The following POGK variants were observed in gnomAD, a reference collection of about 807,000 sequenced individuals.
POGK encodes the protein pogo transposable element derived with KRAB domain.
In POGK, 16 loss-of-function variants were observed where a neutral mutation model predicts 54.4. That is an observed-to-expected ratio of 0.29 (90% confidence interval 0.20 to 0.45). The LOEUF (loss-of-function observed/expected upper bound fraction) is 0.45, where lower values mean the gene tolerates loss of function less well. POGK is among the 20% of genes least tolerant of loss of function. The pLI is 1.00. For missense variants in POGK, 515 were observed against 795.6 expected (o/e 0.65, Z 4.24); for synonymous variants, 271 against 302.2 (o/e 0.90, Z 1.07).
intron 2 of POGK, among the ~76,000 whole-genome samples, chr1:166,841,510 C>A (rs894686692): frequency 2.0e-5 from 3 of 152,204 alleles, no homozygotes; most frequent in African/African-American, 7.2e-5. Flanking sequence ...GCACCTCTTA[C>A]CACAGTTGAC....
Position 166,855,254 on chromosome 1 carries a change from A to C in POGK, c.*2684A>C, listed in dbSNP as rs1243535090. ...TCACACCTGGTTTTGCACAGTGATA[A>C]ATTCCTGCAGGAAAAAATAAGTTTT... On this transcript the variant is annotated 3_prime_UTR_variant, in exon 6 of 6. Coordinates refer to ENST00000367876, the MANE Select transcript of POGK (RefSeq NM_017542.5). The C allele has an allele frequency of 6.6e-6, 1 of 152,228 alleles. No individual in the cohort carries two copies. Among genetic ancestry groups the C allele is most frequent in the African/African-American group, 2.4e-5 (1 of 41,450 alleles). 9.4% of individuals were successfully genotyped at this position (152,228 alleles called of 1,614,324 possible). A position where few individuals can be genotyped will look rare whatever the true frequency, so the allele number is the denominator to read the frequency against.
intron 1 of POGK, among the ~76,000 whole-genome samples, chr1:166,840,722 A>G (rs1417792258): frequency 6.6e-6 from 1 of 152,210 alleles, no homozygotes; most frequent in African/African-American, 2.4e-5. Flanking sequence ...TTCCCCAGAT[A>G]GCTTTTTAAA....
At chr1:166,851,047 A>T (rs3820387) in intron 5 of POGK, 27,440 of 152,218 alleles carry the variant, frequency 0.18, 3,071 homozygotes, top group East Asian at 0.57. Flanking sequence ...CTGTAAAGTT[A>T]AAATTATTTG....
intron 2 of POGK, among the ~76,000 whole-genome samples, chr1:166,845,459 T>C (rs1033564487): frequency 1.3e-5 from 2 of 151,732 alleles, no homozygotes; most frequent in African/African-American, 4.8e-5. Flanking sequence ...GCTTCCTATG[T>C]ATGAGGTGCT....
rs1448553294 is a variant in POGK at position 166,854,663 on chromosome 1, C to G, written c.*2093C>G. 6.6e-6 allele frequency: 1 copy of G among 152,130 alleles called. No homozygotes were observed. The highest frequency in any genetic ancestry group is 1.5e-5 in the Non-Finnish European group (1 of 68,034). 9.4% of individuals were successfully genotyped at this position (152,130 alleles called of 1,614,324 possible). On this transcript the variant is annotated 3_prime_UTR_variant, in exon 6 of 6. Coordinates refer to ENST00000367876, the MANE Select transcript of POGK (RefSeq NM_017542.5). Reference sequence around the variant, plus strand: ...ACAGGGAAGAACGTGTGCAGTGGGGCAAGTTTGACATAAATAGCTTTTTTC... The same window carrying G: ...ACAGGGAAGAACGTGTGCAGTGGGGGAAGTTTGACATAAATAGCTTTTTTC...
At chr1:166,840,754 G>A (rs1657467042) in intron 1 of POGK, among the ~76,000 whole-genome samples, 1 of 152,146 alleles carries the variant, frequency 6.6e-6, no homozygotes. Context: ...AGCCAGATAC[G>A]TTATCTACCC....
In POGK at chr1:166,849,237, G is replaced by C. The variant is rs1657962738; in HGVS notation, c.658G>C (p.Ala220Pro). Reference sequence around the variant, plus strand: ...TGCTGAGAGTACCAACAACTGCCAGGCTGCCAAGCAGTTTGGAGTATTGGA... The same window carrying C: ...TGCTGAGAGTACCAACAACTGCCAGCCTGCCAAGCAGTTTGGAGTATTGGA... ...EYAESTNNCQ[A>P]AKQFGVLEKN... Residue 220 changes from alanine (A) to proline (P), a missense_variant, in exon 5 of 6, where the codon GCT (alanine) becomes CCT (proline). By Grantham distance (27) the Ala-to-Pro change is conservative. Around this residue, in one of 2 missense-constraint regions of POGK, gnomAD observed 461 missense variants for 743.5 expected, o/e 0.62. Transcript: ENST00000367876. The C allele has an allele frequency of 6.2e-7, 1 of 1,614,146 alleles. No homozygotes were observed.
At position 166,847,952 on chromosome 1, in the gene POGK, A is replaced by G. The variant is rs1295925886; in HGVS notation, c.358+360A>G. ...AACTAAGAATAGTGAGAGGAAGCAC[A>G]CTTCCTGAGTTACCTGGCTCCCTGT... On this transcript the variant is annotated intron_variant, in intron 4 of 5. Transcript: ENST00000367876. 2.0e-5 allele frequency among the ~76,000 whole-genome samples: 3 copies of G among 152,304 alleles called. No individual in the cohort carries two copies. The South Asian group carries it at 6.2e-4, about 32-fold the overall frequency.
intron 5 of POGK, chr1:166,852,121 C>T (rs1049810677): frequency 6.6e-6 from 1 of 152,214 alleles, no homozygotes; most frequent in African/African-American, 2.4e-5. Context: ...TGAATCCAGC[C>T]TCCCTTTTCT....
intron 5 of POGK, chr1:166,852,249 T>G (rs1253727795): frequency 6.6e-6 from 1 of 152,230 alleles, no homozygotes; most frequent in Non-Finnish European, 1.5e-5. Context: ...TGTGCACTTT[T>G]AATTTCCTAA....
At position 166,850,220 on chromosome 1, in the gene POGK, T is replaced by G; in HGVS notation, c.1641T>G (p.Phe547Leu). The G allele has an allele frequency of 6.4e-7, 1 of 1,555,212 alleles. No individual in the cohort carries two copies. The highest frequency in any genetic ancestry group is 8.7e-7 in the Non-Finnish European group (1 of 1,148,830). Reference sequence around the variant, plus strand: ...CTAAGAAGCCACCCCTGGGCCTCTTTCTGGAGTGGGTCATGGTCGCGTGGA... The same window carrying G: ...CTAAGAAGCCACCCCTGGGCCTCTTGCTGGAGTGGGTCATGGTCGCGTGGA... ...GNAKKPPLGL[F>L]LEWVMVAWNS... Residue 547 changes from phenylalanine to leucine, a missense_variant, in exon 5 of 6, where the codon TTT becomes TTG. Physicochemically the swap from Phe to Leu is conservative, Grantham distance 22. Transcript: ENST00000367876.
chr1:166,839,967 C>T (rs910163420), intron 1 of POGK: 9 of 152,214 alleles, frequency 5.9e-5, no homozygotes, highest in African/African-American at 1.9e-4. Context: ...CACCTTAGCG[C>T]GGGGAGGCGG....
At chr1:166,847,910 T>G (rs1378633971) in intron 4 of POGK, among the ~76,000 whole-genome samples, 1 of 152,190 alleles carries the variant, frequency 6.6e-6, no homozygotes, top group African/African-American at 2.4e-5. Flanking sequence ...CTCAGTGGCG[T>G]ACCATGTGCC....
intron 2 of POGK, among the ~76,000 whole-genome samples, chr1:166,842,596 C>T (rs969970880): frequency 1.3e-5 from 2 of 152,198 alleles, no homozygotes; most frequent in Non-Finnish European, 2.9e-5. Flanking sequence ...CTGAGAACTC[C>T]GGGGCTTCCT....
At chr1:166,850,471 G>A (rs1658017852) in intron 5 of POGK, 48 bp downstream of exon 5, 1 of 1,519,626 alleles carries the variant, frequency 6.6e-7, no homozygotes, top group Non-Finnish European at 8.8e-7. Context: ...ACATGTCTGT[G>A]TTCTACAAAC....
chr1:166,840,816 C>T (rs771053641), intron 1 of POGK, 139 bp from the exon 2 acceptor site: 81 of 1,081,414 alleles, frequency 7.5e-5, no homozygotes, highest in Non-Finnish European at 7.2e-5. Context: ...TCCTGGCCGA[C>T]TCTTGTTTCC....
intron 2 of POGK, among the ~76,000 whole-genome samples, chr1:166,843,629 C>T (rs1028809832): frequency 2.0e-5 from 3 of 152,194 alleles, no homozygotes; most frequent in Non-Finnish European, 4.4e-5. Context: ...AGCAGGCACT[C>T]CATCAGTGGA....
At chr1:166,844,696 C>A (rs11803833) in intron 2 of POGK, among the ~76,000 whole-genome samples, 97,250 of 152,070 alleles carry the variant, frequency 0.64, 31,586 homozygotes, top group East Asian at 0.88. Flanking sequence ...GAAGTGTCCT[C>A]GGCTTAGGGA....
chr1:166,846,824 C>T, intron 3 of POGK, 86 bp downstream of exon 3: 2 of 1,536,118 alleles, frequency 1.3e-6, no homozygotes, highest in Non-Finnish European at 1.8e-6. Flanking sequence ...TATCCAATGT[C>T]CCTCTCTCCT....
Sources: allele counts gnomAD v4.1 joint callset (sites outside exome capture counted in the v4.1 genomes callset), GRCh38; gene constraint gnomAD v4.1.1; regional missense constraint gnomAD v4.1.1; transcripts MANE v1.5; gene names NCBI Gene and HGNC (gene_info 2026-07-23, HGNC 2026-07-21).